GPC5: variants seen among roughly 807,000 people sequenced by gnomAD.
GPC5 encodes the protein glypican 5.
In GPC5, 47 loss-of-function variants were observed where a neutral mutation model predicts 53.9. That is an observed-to-expected ratio of 0.87 (90% CI 0.69 to 1.11). GPC5 has a LOEUF of 1.11. GPC5 is among the 50% of genes most tolerant of loss of function. The pLI is 0.00. For synonymous variants in GPC5, 286 were observed against 263.3 expected (o/e 1.09, Z -0.84); for missense variants, 748 against 713.1 (o/e 1.05, Z -0.56).
At chr13:91,824,475 A>T (rs2038545241) in intron 5 of GPC5, among the ~76,000 whole-genome samples, 1 of 152,140 alleles carries the variant, frequency 6.6e-6, no homozygotes, top group African/African-American at 2.4e-5. Flanking sequence ...TGGCAAAGTG[A>T]AATGTGAAAG....
chr13:92,567,753 T>C (rs1393443578), intron 7 of GPC5, among the ~76,000 whole-genome samples: 4 of 152,008 alleles, frequency 2.6e-5, no homozygotes, highest in Non-Finnish European at 4.4e-5. Flanking sequence ...CACAGCACTG[T>C]TGGTGTTTTG....
intron 2 of GPC5, among the ~76,000 whole-genome samples, chr13:91,450,567 A>G (rs1881111545): frequency 6.6e-6 from 1 of 152,156 alleles, no homozygotes; most frequent in African/African-American, 2.4e-5. Flanking sequence ...GCTGGTGAAA[A>G]GTTTTGGTGA....
At chr13:91,858,915 T>A (rs2038995605) in intron 5 of GPC5, among the ~76,000 whole-genome samples, 1 of 151,972 alleles carries the variant, frequency 6.6e-6, no homozygotes, top group African/African-American at 2.4e-5. Flanking sequence ...ATCCATTTAC[T>A]CTAGATTTTC....
intron 7 of GPC5, among the ~76,000 whole-genome samples, chr13:92,820,837 ATTAAC>A (rs1345126270): frequency 2.0e-5 from 3 of 152,158 alleles, no homozygotes; most frequent in Admixed American, 1.3e-4. Flanking sequence ...TATACATGTT[ATTAAC>A]TTGTTTGATT....
At chr13:92,423,989 CA>C (rs1876706107) in intron 7 of GPC5, among the ~76,000 whole-genome samples, 1 of 146,052 alleles carries the variant, frequency 6.8e-6, no homozygotes, top group Non-Finnish European at 1.5e-5. Flanking sequence ...AATATTTCTG[CA>C]TTATTGTGTA....
chr13:92,031,935 A>G (rs2040854755), intron 6 of GPC5, among the ~76,000 whole-genome samples: 1 of 120,102 alleles, frequency 8.3e-6, no homozygotes. Flanking sequence ...TATTTTATAT[A>G]TTACATAGTA....
At chr13:92,336,067 A>T (rs975598321) in intron 7 of GPC5, among the ~76,000 whole-genome samples, 3 of 152,166 alleles carry the variant, frequency 2.0e-5, no homozygotes, top group Admixed American at 6.6e-5. Context: ...TTGATCTCAT[A>T]CACACTGAAA....
intron 7 of GPC5, among the ~76,000 whole-genome samples, chr13:92,375,859 A>G (rs1035165871): frequency 6.6e-5 from 10 of 152,216 alleles, no homozygotes; most frequent in African/African-American, 2.4e-4. Context: ...ATACCTCTGC[A>G]GAAATACCTA....
intron 6 of GPC5, among the ~76,000 whole-genome samples, chr13:91,980,682 T>C (rs1325413591): frequency 6.6e-6 from 1 of 152,230 alleles, no homozygotes; most frequent in Non-Finnish European, 1.5e-5. Context: ...CAATTAAGTA[T>C]ATAGCTACTT....
chr13:91,740,017 G>A (rs1433721400), intron 4 of GPC5, among the ~76,000 whole-genome samples: 1 of 151,480 alleles, frequency 6.6e-6, no homozygotes. Context: ...GACCAAACCT[G>A]GTGAAATGCA....
chr13:91,868,775 G>T (rs2039111908), intron 5 of GPC5, among the ~76,000 whole-genome samples: 1 of 152,126 alleles, frequency 6.6e-6, no homozygotes, highest in African/African-American at 2.4e-5. Context: ...TAGAGGGGAA[G>T]TGGGGTATTT....
intron 2 of GPC5, among the ~76,000 whole-genome samples, chr13:91,644,786 T>C (rs538890728): frequency 1.3e-5 from 2 of 152,366 alleles, no homozygotes; most frequent in African/African-American, 4.8e-5. Flanking sequence ...AGTATACCTT[T>C]AAATACCATT....
chr13:92,134,281 A>G (rs2041766827), intron 6 of GPC5, among the ~76,000 whole-genome samples: 1 of 152,174 alleles, frequency 6.6e-6, no homozygotes, highest in African/African-American at 2.4e-5. Flanking sequence ...GCAAACAGCT[A>G]GGCATTTTCT....
chr13:91,516,220 A>G (rs921691881), intron 2 of GPC5, among the ~76,000 whole-genome samples: 1 of 152,094 alleles, frequency 6.6e-6, no homozygotes, highest in African/African-American at 2.4e-5. Flanking sequence ...CCACAGTCCA[A>G]AGTCTCATCT....
chr13:92,057,313 AAAC>A (rs869043614), intron 6 of GPC5, among the ~76,000 whole-genome samples: 2 of 30,742 alleles, frequency 6.5e-5, no homozygotes, highest in Non-Finnish European at 7.3e-5. Flanking sequence ...AACAAAAAAC[AAAC>A]AAAAAACACA....
chr13:91,897,335 CTGTGTGTG>C (rs34783532), intron 5 of GPC5, among the ~76,000 whole-genome samples: 6 of 139,300 alleles, frequency 4.3e-5, no homozygotes, highest in Admixed American at 1.5e-4. Flanking sequence ...ATAGAGAATG[CTGTGTGTG>C]TGTGTGTGTG....
chr13:91,683,660 T>G (rs2035558285), intron 2 of GPC5, among the ~76,000 whole-genome samples: 1 of 152,212 alleles, frequency 6.6e-6, no homozygotes, highest in Non-Finnish European at 1.5e-5. Flanking sequence ...TTGGCAACTA[T>G]AACATCCACT....
intron 7 of GPC5, among the ~76,000 whole-genome samples, chr13:92,341,701 G>A (rs2139249653): frequency 6.6e-6 from 1 of 152,062 alleles, no homozygotes; most frequent in Admixed American, 6.6e-5. Flanking sequence ...GGTTGAGAAG[G>A]GAGAATTGCT....
At chr13:91,629,447 A>C (rs975556016) in intron 2 of GPC5, among the ~76,000 whole-genome samples, 2 of 152,084 alleles carry the variant, frequency 1.3e-5, no homozygotes, top group East Asian at 3.9e-4. Flanking sequence ...GTTTGAGACC[A>C]GCTTGGCCAA....
Sources: gnomAD v4.1 joint callset for allele counts (sites outside exome capture counted in the v4.1 genomes callset) on GRCh38, gnomAD v4.1.1 for gene constraint, MANE v1.5 for transcripts, NCBI Gene and HGNC (gene_info 2026-07-23, HGNC 2026-07-21) for gene names.